Variants in CDC14A observed in about 807,000 individuals in gnomAD.
CDC14A encodes cell division cycle 14A, also known as dual specificity protein phosphatase CDC14A.
Under a neutral mutation model 74.4 loss-of-function variants are expected in CDC14A, and 53 were observed. The observed-to-expected ratio is 0.71, with a 90% CI of 0.57 to 0.89. The LOEUF (loss-of-function observed/expected upper bound fraction) is 0.89. Among genes scored for constraint, CDC14A ranks in the 40% least tolerant of loss-of-function variants. The probability of loss-of-function intolerance (pLI) is 0.00; values close to 1 mark genes in which losing one functional copy is unlikely to be tolerated. For synonymous variants in CDC14A, 247 were observed against 258.4 expected (o/e 0.96, Z 0.43); for missense variants, 646 against 713.7 (o/e 0.91, Z 1.08).
At chr1:100,468,311 T>A (rs959592928) in intron 10 of CDC14A, among the ~76,000 whole-genome samples, 6 of 152,140 alleles carry the variant, frequency 3.9e-5, no homozygotes, top group Non-Finnish European at 8.8e-5. Context: ...GAGAAGAAAA[T>A]CACAGAGCCA....
intron 3 of CDC14A, among the ~76,000 whole-genome samples, chr1:100,387,189 A>G (rs1161088259): frequency 6.6e-6 from 1 of 152,190 alleles, no homozygotes; most frequent in East Asian, 1.9e-4. Context: ...AGTTGTGAAA[A>G]GGAAAGACAT....
upstream of CDC14A, among the ~76,000 whole-genome samples, chr1:100,350,385 G>A (rs1650840459): frequency 6.6e-6 from 1 of 152,234 alleles, no homozygotes; most frequent in Admixed American, 6.5e-5. Context: ...GAGCCACCAT[G>A]ACCAGCCCCA....
At chr1:100,442,850 C>A in intron 6 of CDC14A, 84 bp from the exon 7 acceptor site, 2 of 895,092 alleles carry the variant, frequency 2.2e-6, no homozygotes, top group South Asian at 1.4e-5. Context: ...TAGTGAGGAT[C>A]ATTTCTGTAA....
At position 100,463,039 on chromosome 1, in the gene CDC14A, C is replaced by T. The variant is rs28364886; in HGVS notation, c.838+158C>T. On this transcript the variant is annotated intron_variant, in intron 9 of 15. Coordinates refer to ENST00000336454, the MANE Select transcript of CDC14A (RefSeq NM_003672.4). Reference sequence around the variant, plus strand: ...CACAAACTCATTTTAATAACCCCTTCTTAAAGAAACGATTGCTTGGGTGTG... The same window carrying T: ...CACAAACTCATTTTAATAACCCCTTTTTAAAGAAACGATTGCTTGGGTGTG... 30,617 of 610,052 alleles carry T rather than the reference C, an allele frequency of 0.05. 1,096 individuals carry two copies. The highest frequency in any genetic ancestry group is 0.065 in the Non-Finnish European group (22,753 of 348,858). The allele number at this position is 610,052 out of a possible 1,614,324, so 37.8% of individuals were successfully genotyped here.
chr1:100,388,763 C>G (rs1352585495), intron 3 of CDC14A, among the ~76,000 whole-genome samples: 1 of 152,154 alleles, frequency 6.6e-6, no homozygotes, highest in Non-Finnish European at 1.5e-5. Context: ...GTTGCCTGGG[C>G]TAGTCTCAAA....
intron 15 of CDC14A, among the ~76,000 whole-genome samples, chr1:100,515,572 A>G (rs1650144239): frequency 6.6e-6 from 1 of 151,960 alleles, no homozygotes; most frequent in Non-Finnish European, 1.5e-5. Flanking sequence ...TTTAGTGGTG[A>G]TGGAGTTTCG....
intron 5 of CDC14A, 48 bp downstream of exon 5, chr1:100,424,349 A>G: frequency 7.6e-7 from 1 of 1,321,688 alleles, no homozygotes; most frequent in Non-Finnish European, 1.1e-6. Context: ...ACAGAGCTGG[A>G]CACTTTAGAG....
At chr1:100,414,009 CTTAA>C (rs1315526022) in intron 4 of CDC14A, among the ~76,000 whole-genome samples, 2 of 152,102 alleles carry the variant, frequency 1.3e-5, no homozygotes, top group Admixed American at 6.6e-5. Flanking sequence ...AACACACTTA[CTTAA>C]TTATTTTAGT....
intron 5 of CDC14A, among the ~76,000 whole-genome samples, chr1:100,429,234 T>TAAATAAATAAATAAATAAATAAACAAAC (rs60569646): frequency 4.8e-5 from 7 of 146,428 alleles, no homozygotes; most frequent in African/African-American, 1.8e-4. Context: ...AATAAATAAA[T>TAAATAAATAAATAAATAAATAAACAAAC]ATAAAATAAA....
intron 4 of CDC14A, among the ~76,000 whole-genome samples, chr1:100,397,122 C>T (rs1658618735): frequency 1.3e-5 from 2 of 151,832 alleles, no homozygotes; most frequent in South Asian, 2.1e-4. Context: ...CAATGTGGCC[C>T]AGGGAAGCTA....
At chr1:100,433,608 C>T (rs1663973960) in intron 5 of CDC14A, among the ~76,000 whole-genome samples, 2 of 152,150 alleles carry the variant, frequency 1.3e-5, no homozygotes, top group Admixed American at 6.5e-5. Flanking sequence ...TTAATGTAGT[C>T]TCCACATTGT....
Position 100,352,913 on chromosome 1 carries a change from C to A in CDC14A, c.-42C>A. The A allele has an allele frequency of 6.2e-7, 1 of 1,613,088 alleles. No individual in the cohort carries two copies. The highest frequency in any genetic ancestry group is 2.2e-5 in the East Asian group (1 of 44,862). On this transcript the variant is annotated 5_prime_UTR_variant, in exon 1 of 16. It adds an upstream start codon to the 5' untranslated region. Coordinates refer to ENST00000336454, the MANE Select transcript of CDC14A (RefSeq NM_003672.4). ...AGCCCCCGGGGGCGAGTGACTTCAG[C>A]TGGCCACGACCCAGCCCTCCCCCGT...
At chr1:100,456,428 T>TCCCG (rs1553188031) in intron 8 of CDC14A, among the ~76,000 whole-genome samples, 6 of 127,414 alleles carry the variant, frequency 4.7e-5, no homozygotes, top group African/African-American at 7.5e-5. Context: ...GAACAAAATA[T>TCCCG]CCCCCCCCCT....
At chr1:100,485,558 G>A (rs375993511) in intron 11 of CDC14A, among the ~76,000 whole-genome samples, 29 of 136,910 alleles carry the variant, frequency 2.1e-4, no homozygotes, top group East Asian at 7.7e-4. Context: ...GCAAGCACCC[G>A]TCTAAAAAAG....
rs886982119 is a variant in CDC14A, at chr1:100,464,440, T to C, written c.838+1559T>C. 1.1e-4 allele frequency among the ~76,000 whole-genome samples: 17 copies of C among 152,350 alleles called. No individual in the cohort carries two copies. In the South Asian group the frequency reaches 3.5e-3, roughly 32 times the overall value. The stretch of plus-strand genomic sequence containing the variant: ...TGATTCATTTGCACCCTGTTTGCTT[T>C]TCCATTGCATTTTGTTCAGTATTGC... On this transcript the variant is annotated intron_variant, in intron 9 of 15. Transcript: ENST00000336454.
At chr1:100,351,363 A>G (rs571103073), upstream of CDC14A, among the ~76,000 whole-genome samples, 3 of 152,288 alleles carry the variant, frequency 2.0e-5, no homozygotes, top group African/African-American at 7.2e-5. Flanking sequence ...GTTTCTGGAG[A>G]GACCTCTCAG....
chr1:100,473,908 G>A (rs932188819), intron 10 of CDC14A, among the ~76,000 whole-genome samples: 1 of 152,140 alleles, frequency 6.6e-6, no homozygotes. Flanking sequence ...GATAAGAGCA[G>A]ACATCCTTGT....
At chr1:100,463,936 G>A (rs938878036) in intron 9 of CDC14A, among the ~76,000 whole-genome samples, 2 of 152,078 alleles carry the variant, frequency 1.3e-5, no homozygotes, top group Non-Finnish European at 2.9e-5. Context: ...GTCTAGACCC[G>A]GTTTCCCTCT....
At chr1:100,433,684 G>T (rs1186690354) in intron 5 of CDC14A, among the ~76,000 whole-genome samples, 2 of 151,916 alleles carry the variant, frequency 1.3e-5, no homozygotes, top group South Asian at 2.1e-4. Context: ...AATAAGAAAT[G>T]CTTTCTTATT....
Sources: allele counts gnomAD v4.1 joint callset (sites outside exome capture counted in the v4.1 genomes callset), GRCh38; gene constraint gnomAD v4.1.1; transcripts MANE v1.5; gene names NCBI Gene and HGNC (gene_info 2026-07-23, HGNC 2026-07-21).